The following FAM163B variants were observed in gnomAD, a reference collection of about 807,000 sequenced individuals.
FAM163B encodes the protein protein FAM163B.
FAM163B carries 4 observed loss-of-function variants against 7.6 expected under a neutral mutation model. That is an observed-to-expected ratio of 0.52 (90% CI 0.26 to 1.20). The LOEUF (loss-of-function observed/expected upper bound fraction) is 1.20, where lower values mean the gene tolerates loss of function less well. Ranked by LOEUF, FAM163B falls within the 50% of genes most tolerant of loss-of-function variation. FAM163B has a pLI of 0.14. For synonymous variants in FAM163B, 120 were observed against 111.6 expected (o/e 1.07, Z -0.47); for missense variants, 250 against 243.0 (o/e 1.03, Z -0.19).
At position 133,577,505 on chromosome 9, in the gene FAM163B, T is replaced by G. The variant is rs896576996; in HGVS notation, c.*1517A>C. Among the ~76,000 whole-genome samples, 2 of 152,220 alleles carry G rather than the reference T, an allele frequency of 1.3e-5. No homozygotes were observed. The highest frequency in any genetic ancestry group is 2.9e-5 in the Non-Finnish European group (2 of 68,034). ...CCGTTCCCCCGACGCCTCTGGAAAC[T>G]GGCCATTTCGTTTTTGAGTAAGGGC... On this transcript the variant is annotated 3_prime_UTR_variant, in exon 3 of 3. Coordinates refer to ENST00000673969, the MANE Select transcript of FAM163B (RefSeq NM_001080515.3).
At position 133,577,492 on chromosome 9, in the gene FAM163B, C is replaced by T. The variant is rs1831270207; in HGVS notation, c.*1530G>A. Among the ~76,000 whole-genome samples, 2 of 152,396 alleles carry T rather than the reference C, an allele frequency of 1.3e-5. No homozygotes were observed. Among genetic ancestry groups the T allele is most frequent in the East Asian group, 1.9e-4 (1 of 5,182 alleles). ...GTGACTTCGTCAGCCGTTCCCCCGA[C>T]GCCTCTGGAAACTGGCCATTTCGTT... On this transcript the variant is annotated 3_prime_UTR_variant, in exon 3 of 3. Transcript: ENST00000673969.
rs1367620205 is a variant in FAM163B at position 133,579,280 on chromosome 9, G to T, written c.243C>A (p.Ser81Arg). ...GGGCGCGGGCCTGCGGGGACTTCTG[G>T]CTGAAGGAGGTGGAGGCGGTGGGGT... ...ALYPTASTSF[S>R]QKSPQARALC... The change falls in exon 3 of 3, where the codon AGC becomes AGA. Residue 81 changes from serine to arginine, a missense_variant. Physicochemically the swap from Ser to Arg is moderately radical, Grantham distance 110 (BLOSUM62 -1). Coordinates refer to ENST00000673969, the MANE Select transcript of FAM163B (RefSeq NM_001080515.3). The T allele has an allele frequency of 3.1e-6, 5 of 1,613,022 alleles. No homozygotes were observed. The African/African-American group carries it at 6.7e-5, about 22-fold the overall frequency.
chr9:133,584,256 G>A (rs1375877514), intron 1 of FAM163B, among the ~76,000 whole-genome samples: 1 of 152,110 alleles, frequency 6.6e-6, no homozygotes, highest in Non-Finnish European at 1.5e-5. Flanking sequence ...CTCCTCCCTG[G>A]GGACCCCAGG....
intron 1 of FAM163B, among the ~76,000 whole-genome samples, chr9:133,599,185 C>T (rs961297538): frequency 6.6e-6 from 1 of 152,228 alleles, no homozygotes; most frequent in Non-Finnish European, 1.5e-5. Flanking sequence ...GAGTTCGCCT[C>T]TGCCTCCTGG....
chr9:133,591,858 C>T (rs552743477), intron 1 of FAM163B, among the ~76,000 whole-genome samples: 8 of 152,228 alleles, frequency 5.3e-5, no homozygotes, highest in Admixed American at 3.3e-4. Flanking sequence ...GGACGGGGAC[C>T]GCTCTGGGGA....
intron 2 of FAM163B, 35 bp from the exon 3 acceptor site, chr9:133,579,464 C>T (rs1220650315): frequency 2.0e-5 from 30 of 1,529,588 alleles, no homozygotes; most frequent in Admixed American, 5.8e-5. Context: ...TGCGGCCGCC[C>T]GCTCCCACCC....
chr9:133,595,632 G>T (rs1831621044), intron 1 of FAM163B, among the ~76,000 whole-genome samples: 1 of 152,044 alleles, frequency 6.6e-6, no homozygotes, highest in Non-Finnish European at 1.5e-5. Context: ...CCAGGGTCAG[G>T]CCTCAGGTTC....
intron 1 of FAM163B, among the ~76,000 whole-genome samples, chr9:133,594,449 C>G (rs898406633): frequency 6.6e-6 from 1 of 151,930 alleles, no homozygotes; most frequent in Non-Finnish European, 1.5e-5. Flanking sequence ...GAACTCCCCT[C>G]CAGCTCTGCG....
At chr9:133,599,965 A>T (rs1036776076) in intron 1 of FAM163B, among the ~76,000 whole-genome samples, 3 of 93,266 alleles carry the variant, frequency 3.2e-5, no homozygotes, top group Admixed American at 1.1e-4. Flanking sequence ...GCGTGTGTGC[A>T]TGTGTGTGTG....
intron 1 of FAM163B, chr9:133,585,886 C>T (rs1315586760): frequency 6.6e-6 from 1 of 152,260 alleles, no homozygotes; most frequent in Non-Finnish European, 1.5e-5. Context: ...GACTCCTCCC[C>T]ATGCCGGCGT....
intron 1 of FAM163B, among the ~76,000 whole-genome samples, chr9:133,605,923 C>A (rs557888475): frequency 2.6e-5 from 4 of 152,178 alleles, no homozygotes; most frequent in African/African-American, 9.7e-5. Flanking sequence ...CCTGCAGGGC[C>A]CCCTCTCCAA....
rs562118902 is a variant in FAM163B, at chr9:133,587,981, TGGGAG to T, written c.-23-7740_-23-7736del. 6.9e-3 allele frequency among the ~76,000 whole-genome samples: 82 copies of T among 11,880 alleles called. 2 individuals carry two copies. In the South Asian group the frequency reaches 0.13, roughly 18 times the overall value. The allele number at this position is 11,880 out of a possible 152,430, so 7.8% of individuals were successfully genotyped here. A position where few individuals can be genotyped will look rare whatever the true frequency, so the allele number is the denominator to read the frequency against. On this transcript the variant is annotated intron_variant, in intron 1 of 2. Transcript: ENST00000673969. ...CGGGGGCGCGAACGGGGGGCGAGCC[TGGGAG>T]GGGAGGGGAGGGGAGGGTGGGAGCC... is the stretch of plus-strand genomic sequence containing the variant.
At chr9:133,584,807 C>A (rs1318739547) in intron 1 of FAM163B, among the ~76,000 whole-genome samples, 1 of 152,208 alleles carries the variant, frequency 6.6e-6, no homozygotes, top group African/African-American at 2.4e-5. Context: ...CAGAGCCATG[C>A]GGGTCAGGCC....
chr9:133,599,130 C>A (rs1179647984), intron 1 of FAM163B, among the ~76,000 whole-genome samples: 5 of 152,216 alleles, frequency 3.3e-5, no homozygotes, highest in African/African-American at 1.2e-4. Flanking sequence ...CCTGTCCTGC[C>A]TCTGGGCTCC....
chr9:133,594,171 T>A (rs1359882165), intron 1 of FAM163B, among the ~76,000 whole-genome samples: 1 of 152,186 alleles, frequency 6.6e-6, no homozygotes, highest in East Asian at 1.9e-4. Context: ...AGTGCCAAGG[T>A]TTCCTTTACA....
chr9:133,607,034 C>T (rs1174646298), intron 1 of FAM163B, among the ~76,000 whole-genome samples: 6 of 152,192 alleles, frequency 3.9e-5, no homozygotes, highest in Non-Finnish European at 8.8e-5. Context: ...GTAGGGTTGG[C>T]ACGGACTGGG....
chr9:133,589,634 A>C (rs1229360680), intron 1 of FAM163B, among the ~76,000 whole-genome samples: 1 of 151,980 alleles, frequency 6.6e-6, no homozygotes, highest in Non-Finnish European at 1.5e-5. Context: ...GCGCGCACAC[A>C]CACAGTAGGG....
At chr9:133,590,432 TC>T (rs1564193835) in intron 1 of FAM163B, among the ~76,000 whole-genome samples, 1 of 151,862 alleles carries the variant, frequency 6.6e-6, no homozygotes, top group African/African-American at 2.4e-5. Flanking sequence ...GGCTGGGGGC[TC>T]CCCGGTGCTT....
rs549029302 is a variant in FAM163B, at chr9:133,608,098, G to A, written c.-24+979C>T. ...GAGCGTGAGTTGGCAGGGGCTGAGG[G>A]AAATGCAAGGGAGAAGGCTGGCAGG... On this transcript the variant is annotated intron_variant, in intron 1 of 2. Transcript: ENST00000673969. Among the ~76,000 whole-genome samples the A allele has an allele frequency of 4.5e-4, 69 of 152,308 alleles. 3 individuals are homozygous for A. The South Asian group carries it at 0.012, about 27-fold the overall frequency.
Sources: allele counts gnomAD v4.1 joint callset (sites outside exome capture counted in the v4.1 genomes callset), GRCh38; gene constraint gnomAD v4.1.1; transcripts MANE v1.5; gene names NCBI Gene and HGNC (gene_info 2026-07-23, HGNC 2026-07-21).